Variants in ATXN8OS observed in about 807,000 individuals in gnomAD.
ATXN8OS encodes the protein ATXN8 opposite strand lncRNA.
At position 70,139,377 on chromosome 13, in the gene ATXN8OS, A is replaced by G. The variant is rs912559647; in HGVS notation, n.500-7978A>G. 2.7e-3 allele frequency: 1,759 copies of G among 645,908 alleles called. 44 individuals are homozygous for G. Among genetic ancestry groups the G allele is most frequent in the East Asian group, 0.014 (458 of 32,220 alleles). 40.0% of individuals were successfully genotyped at this position (645,908 alleles called of 1,614,324 possible). ...TACTACTACTACTACTACTACTACTACTACTACTGCTGCTGCTGCTGCTGC... is the reference window on the plus strand; with the variant it reads ...TACTACTACTACTACTACTACTACTGCTACTACTGCTGCTGCTGCTGCTGC... On this transcript the variant is annotated intron_variant and non_coding_transcript_variant, in intron 3 of 4. Coordinates refer to ENST00000678624, the Ensembl canonical transcript of ATXN8OS.
At chr13:70,109,697 G>GT (rs981866033) in intron 1 of ATXN8OS, among the ~76,000 whole-genome samples, 17 of 151,944 alleles carry the variant, frequency 1.1e-4, no homozygotes, top group African/African-American at 3.9e-4. Context: ...TTTTTTGTTT[G>GT]TTTTTTGTTT....
chr13:70,121,303 A>G (rs113733750), intron 2 of ATXN8OS, among the ~76,000 whole-genome samples: 38 of 152,266 alleles, frequency 2.5e-4, no homozygotes, highest in African/African-American at 8.9e-4. Flanking sequence ...AAAGGAACAT[A>G]AAGATCACTG....
exon 5 of ATXN8OS, among the ~76,000 whole-genome samples, chr13:70,171,588 C>A (rs1337257567): frequency 1.3e-5 from 2 of 152,088 alleles, no homozygotes; most frequent in Admixed American, 1.3e-4. Flanking sequence ...TCAGCTTCAT[C>A]ATAATCTTAG....
rs540734603 is a variant in ATXN8OS, at chr13:70,146,699, G to C, written n.500-656G>C. Among the ~76,000 whole-genome samples the C allele has an allele frequency of 8.1e-5, 12 of 147,714 alleles. No individual in the cohort carries two copies. In the South Asian group the frequency reaches 2.7e-3, roughly 33 times the overall value. On this transcript the variant is annotated intron_variant and non_coding_transcript_variant, in intron 3 of 4. Coordinates refer to ENST00000678624, the Ensembl canonical transcript of ATXN8OS. ...AAACACTGCATGTTCTCACTCATAG[G>C]TGGGAATTGAACAATGAGAACACAT...
At chr13:70,167,172 AC>A (rs1194583833) in intron 4 of ATXN8OS, among the ~76,000 whole-genome samples, 1 of 152,074 alleles carries the variant, frequency 6.6e-6, no homozygotes, top group Non-Finnish European at 1.5e-5. Context: ...CTGGGTATAT[AC>A]CCAAAGGATT....
intron 4 of ATXN8OS, among the ~76,000 whole-genome samples, chr13:70,155,209 T>C (rs1888921746): frequency 6.6e-6 from 1 of 152,202 alleles, no homozygotes; most frequent in African/African-American, 2.4e-5. Context: ...CTCTAATATC[T>C]GATCCAATCA....
chr13:70,155,946 G>T (rs1888930240), intron 4 of ATXN8OS, among the ~76,000 whole-genome samples: 1 of 151,902 alleles, frequency 6.6e-6, no homozygotes, highest in Non-Finnish European at 1.5e-5. Flanking sequence ...CTATTTTAAA[G>T]ATTCTATTTG....
intron 2 of ATXN8OS, among the ~76,000 whole-genome samples, chr13:70,128,151 C>T (rs1468698134): frequency 3.3e-5 from 5 of 152,004 alleles, no homozygotes; most frequent in Non-Finnish European, 7.4e-5. Context: ...GTTTATTTCG[C>T]CTTACAAGCT....
intron 4 of ATXN8OS, among the ~76,000 whole-genome samples, chr13:70,155,431 G>A (rs536532493): frequency 4.2e-4 from 64 of 152,244 alleles, no homozygotes; most frequent in African/African-American, 1.5e-3. Flanking sequence ...CACCATCCTT[G>A]TGCTGCTGGT....
intron 3 of ATXN8OS, among the ~76,000 whole-genome samples, chr13:70,142,599 A>AATAGTAATT (rs1366312240): frequency 2.0e-5 from 3 of 152,224 alleles, no homozygotes; most frequent in East Asian, 1.9e-4. Context: ...GCACCATGGA[A>AATAGTAATT]ATAGTAATTA....
intron 3 of ATXN8OS, among the ~76,000 whole-genome samples, chr13:70,144,328 C>G (rs1888754088): frequency 1.3e-5 from 2 of 152,040 alleles, no homozygotes; most frequent in Admixed American, 6.6e-5. Context: ...TAATGTGGCT[C>G]TAATTGTCAT....
chr13:70,154,130 C>A (rs539225188), intron 4 of ATXN8OS, among the ~76,000 whole-genome samples: 1 of 152,096 alleles, frequency 6.6e-6, no homozygotes, highest in Non-Finnish European at 1.5e-5. Context: ...TAGTTGAGGG[C>A]GAGCACACAC....
At chr13:70,108,019 G>A (rs1298438492) in exon 1 of ATXN8OS, 3 of 442,448 alleles carry the variant, frequency 6.8e-6, no homozygotes, top group Non-Finnish European at 4.0e-6. Context: ...GTTATGGCGA[G>A]GTGGGACAAC....
chr13:70,135,399 C>A (rs1888597638), intron 3 of ATXN8OS, among the ~76,000 whole-genome samples: 1 of 152,070 alleles, frequency 6.6e-6, no homozygotes. Flanking sequence ...ATTATTGTGT[C>A]TTTTACTTAA....
chr13:70,161,763 G>GA (rs1476558572), intron 4 of ATXN8OS, among the ~76,000 whole-genome samples: 4 of 45,170 alleles, frequency 8.9e-5, no homozygotes, highest in South Asian at 1.5e-3. Flanking sequence ...TTTGTTGAGT[G>GA]AAAAAAAATG....
In ATXN8OS at chr13:70,167,552, C is replaced by G. The variant is rs145555371; in HGVS notation, n.574-2201C>G. On this transcript the variant is annotated intron_variant and non_coding_transcript_variant, in intron 4 of 4. Transcript: ENST00000678624. ...GGAAGGATAGCATTAGGAGATATAC[C>G]TAATGCTAAATGAAGAGTTAATGGG... Among the ~76,000 whole-genome samples the G allele has an allele frequency of 6.6e-5, 10 of 151,756 alleles. No individual in the cohort carries two copies. The East Asian group carries it at 1.8e-3, about 27-fold the overall frequency.
At chr13:70,129,281 G>T (rs562143638) in intron 2 of ATXN8OS, among the ~76,000 whole-genome samples, 82 of 152,216 alleles carry the variant, frequency 5.4e-4, no homozygotes, top group African/African-American at 1.9e-3. Context: ...TAGTTTATTT[G>T]AAGGATTGGT....
chr13:70,164,315 C>A (rs978365764), intron 4 of ATXN8OS, among the ~76,000 whole-genome samples: 15 of 151,474 alleles, frequency 9.9e-5, no homozygotes, highest in African/African-American at 3.6e-4. Flanking sequence ...TTATCCCTCT[C>A]CCCTCTTTAC....
chr13:70,150,239 C>T (rs2137498426), intron 4 of ATXN8OS, among the ~76,000 whole-genome samples: 1 of 152,154 alleles, frequency 6.6e-6, no homozygotes, highest in South Asian at 2.1e-4. Flanking sequence ...GCTAAGACTA[C>T]CATGATAATG....
Sources: gnomAD v4.1 joint callset for allele counts (sites outside exome capture counted in the v4.1 genomes callset) on GRCh38, gnomAD v4.1.1 for gene constraint, MANE v1.5 for transcripts, NCBI Gene and HGNC (gene_info 2026-07-23, HGNC 2026-07-21) for gene names.